Variants in DLG2 observed in about 807,000 individuals in gnomAD.
DLG2 encodes discs large MAGUK scaffold protein 2.
In DLG2, 45 loss-of-function variants were observed where a neutral mutation model predicts 132.5. The ratio of observed to expected loss-of-function variants is 0.34; its 90% CI spans 0.27 to 0.44. The LOEUF (loss-of-function observed/expected upper bound fraction) is 0.44. Among genes scored for constraint, DLG2 ranks in the 20% least tolerant of loss-of-function variants. The pLI, the probability that DLG2 is intolerant of heterozygous loss-of-function variation, is 1.00. For synonymous variants in DLG2, 424 were observed against 419.6 expected (o/e 1.01, Z -0.13); for missense variants, 1,045 against 1,196.9 (o/e 0.87, Z 1.87).
Position 85,230,480 on chromosome 11 carries a change from G to A in DLG2, c.186+54740C>T, listed in dbSNP as rs540334969. 3.8e-3 allele frequency among the ~76,000 whole-genome samples: 577 copies of A among 151,076 alleles called. 3 individuals carry two copies. Among genetic ancestry groups the A allele is most frequent in the Non-Finnish European group, 4.8e-3 (325 of 67,746 alleles). On this transcript the variant is annotated intron_variant, in intron 4 of 27. Transcript: ENST00000376104. ...TAAATATATATTTATATTCATTTTC[G>A]AAAGACGTGTTTATGGATATAAAAT...
At chr11:85,520,788 G>A (rs1424802810) in intron 3 of DLG2, among the ~76,000 whole-genome samples, 2 of 152,166 alleles carry the variant, frequency 1.3e-5, no homozygotes, top group African/African-American at 4.8e-5. Context: ...AATAAAGGGT[G>A]CTGGGAAAGC....
chr11:83,830,029 G>C (rs1020594877), intron 17 of DLG2, among the ~76,000 whole-genome samples: 2 of 152,064 alleles, frequency 1.3e-5, no homozygotes, highest in Non-Finnish European at 2.9e-5. Flanking sequence ...AGTTTGCTGA[G>C]AATGATGGTT....
chr11:84,597,973 T>C (rs1391968045), intron 6 of DLG2, among the ~76,000 whole-genome samples: 2 of 152,236 alleles, frequency 1.3e-5, no homozygotes, highest in Admixed American at 6.5e-5. Flanking sequence ...AATCAATCTA[T>C]GTTTTTCTTT....
chr11:84,332,204 C>CTT lies in DLG2; in HGVS notation c.520-80915_520-80914dup, dbSNP rs35166465. Among the ~76,000 whole-genome samples the CTT allele has an allele frequency of 7.9e-3, 1,079 of 137,204 alleles. 13 individuals carry two copies. The highest frequency in any genetic ancestry group is 9.3e-3 in the Non-Finnish European group (595 of 63,920). 90.0% of individuals were successfully genotyped at this position (137,204 alleles called of 152,430 possible). ...ATTGAAGACAACCGCTTTGCTTGTC[C>CTT]TTTTTTTTTTTTTTTTTCTTTTTCT... is the stretch of plus-strand genomic sequence containing the variant. On this transcript the variant is annotated intron_variant, in intron 7 of 27. Transcript: ENST00000376104.
In DLG2 at chr11:84,275,596, C is replaced by A. The variant is rs189115189; in HGVS notation, c.520-24305G>T. Among the ~76,000 whole-genome samples, 179 of 152,306 alleles carry A rather than the reference C, an allele frequency of 1.2e-3. 1 individual carries two copies. The highest frequency in any genetic ancestry group is 4.0e-3 in the African/African-American group (166 of 41,578). ...GGTCTTGATCTCCTGACCTCGTGAT[C>A]CACCTGCCTCAGCCTCCCAAAGTGC... On this transcript the variant is annotated intron_variant, in intron 7 of 27. Transcript: ENST00000376104.
At chr11:85,306,958 G>T (rs1008969330) in intron 3 of DLG2, among the ~76,000 whole-genome samples, 2 of 152,188 alleles carry the variant, frequency 1.3e-5, no homozygotes, top group Non-Finnish European at 2.9e-5. Flanking sequence ...GCTAATGAAA[G>T]TTGTGAATTT....
chr11:84,419,145 G>C (rs2098939901), intron 7 of DLG2, among the ~76,000 whole-genome samples: 1 of 151,292 alleles, frequency 6.6e-6, no homozygotes, highest in Non-Finnish European at 1.5e-5. Context: ...GGAGAAAAAA[G>C]AGGGGAGGAA....
At chr11:83,983,513 T>C (rs2092985449) in intron 11 of DLG2, among the ~76,000 whole-genome samples, 1 of 152,068 alleles carries the variant, frequency 6.6e-6, no homozygotes, top group African/African-American at 2.4e-5. Flanking sequence ...TAAGATAGCA[T>C]AAATAGTTAA....
At chr11:84,871,911 G>A (rs2085531266) in intron 6 of DLG2, among the ~76,000 whole-genome samples, 1 of 152,118 alleles carries the variant, frequency 6.6e-6, no homozygotes, top group Admixed American at 6.5e-5. Context: ...CTGACCTCAG[G>A]TGATCCGCCT....
At chr11:84,325,818 A>G (rs937515757) in intron 7 of DLG2, among the ~76,000 whole-genome samples, 1 of 152,134 alleles carries the variant, frequency 6.6e-6, no homozygotes, top group African/African-American at 2.4e-5. Context: ...TTTGAGAAAG[A>G]TTGCCATTAA....
In DLG2 at chr11:84,010,242, C is replaced by G. The variant is rs139684027; in HGVS notation, c.920-29600G>C. The stretch of plus-strand genomic sequence containing the variant: ...CTGAGAATGACATAAATGATCATGA[C>G]CACTGACATTTATTTTGAATGATAA... On this transcript the variant is annotated intron_variant, in intron 11 of 27. Coordinates refer to ENST00000376104, the MANE Select transcript of DLG2 (RefSeq NM_001142699.3). Among the ~76,000 whole-genome samples, 9 of 151,928 alleles carry G rather than the reference C, an allele frequency of 5.9e-5. No homozygotes were observed. The East Asian group carries it at 1.7e-3, about 29-fold the overall frequency.
chr11:83,476,895 G>T (rs1298844560), intron 22 of DLG2, among the ~76,000 whole-genome samples: 1 of 152,080 alleles, frequency 6.6e-6, no homozygotes, highest in Non-Finnish European at 1.5e-5. Flanking sequence ...ATGAAAAACT[G>T]CTTTATAAAG....
intron 4 of DLG2, among the ~76,000 whole-genome samples, chr11:85,273,471 A>C (rs2077677121): frequency 6.6e-6 from 1 of 152,248 alleles, no homozygotes; most frequent in Admixed American, 6.5e-5. Context: ...TCTCAAAAGA[A>C]GACATCTATG....
At chr11:85,505,366 A>T (rs2093905399) in intron 3 of DLG2, among the ~76,000 whole-genome samples, 3 of 152,160 alleles carry the variant, frequency 2.0e-5, no homozygotes, top group African/African-American at 7.2e-5. Context: ...TTTGTCATAA[A>T]GAGGTCTTAT....
At position 84,686,643 on chromosome 11, in the gene DLG2, T is replaced by TG. The variant is rs1482262106; in HGVS notation, c.358-151913_358-151912insC. Reference sequence around the variant, plus strand: ...ACTGGCCTTGAGGTTTTTTTTTTTTTTTTTTTTTTATGCTATACACCATGT... The same window carrying TG: ...ACTGGCCTTGAGGTTTTTTTTTTTTTGTTTTTTTTTATGCTATACACCATGT... On this transcript the variant is annotated intron_variant, in intron 6 of 27. Transcript: ENST00000376104. Among the ~76,000 whole-genome samples the TG allele has an allele frequency of 6.6e-5, 10 of 151,298 alleles. No individual in the cohort carries two copies. The South Asian group carries it at 1.0e-3, about 16-fold the overall frequency.
chr11:83,889,206 A>G (rs539599916), intron 15 of DLG2, among the ~76,000 whole-genome samples: 1 of 152,222 alleles, frequency 6.6e-6, no homozygotes, highest in East Asian at 1.9e-4. Context: ...CAACCTACTC[A>G]TCTGACAAAG....
rs1475809390 is a variant in DLG2, at chr11:83,783,813, C to T, written c.1825+2877G>A. On this transcript the variant is annotated intron_variant, in intron 18 of 27. Coordinates refer to ENST00000376104, the MANE Select transcript of DLG2 (RefSeq NM_001142699.3). ...TTCCATGGTGCACTCTTGCACTGTCCTGACCCCTTCAGGCTTATCCTTTCT... is the reference window on the plus strand; with the variant it reads ...TTCCATGGTGCACTCTTGCACTGTCTTGACCCCTTCAGGCTTATCCTTTCT... Among the ~76,000 whole-genome samples the T allele has an allele frequency of 4.6e-5, 7 of 152,094 alleles. No homozygotes were observed. In the East Asian group the frequency reaches 1.3e-3, roughly 29 times the overall value.
chr11:84,161,038 G>C (rs1339966224), intron 9 of DLG2, among the ~76,000 whole-genome samples: 1 of 152,204 alleles, frequency 6.6e-6, no homozygotes, highest in African/African-American at 2.4e-5. Flanking sequence ...AGAAAGTCTT[G>C]AGAGTTCACT....
intron 7 of DLG2, among the ~76,000 whole-genome samples, chr11:84,463,874 CTT>C (rs1356883820): frequency 4.6e-5 from 7 of 151,170 alleles, no homozygotes; most frequent in Non-Finnish European, 1.0e-4. Flanking sequence ...CTATTATACT[CTT>C]TTCTTTAGTA....
Sources: gnomAD v4.1 joint callset for allele counts (sites outside exome capture counted in the v4.1 genomes callset) on GRCh38, gnomAD v4.1.1 for gene constraint, MANE v1.5 for transcripts, NCBI Gene and HGNC (gene_info 2026-07-23, HGNC 2026-07-21) for gene names.